FBXW7: variants seen among roughly 807,000 people sequenced by gnomAD.
The protein encoded by FBXW7 is F-box/WD repeat-containing protein 7.
In FBXW7, 11 loss-of-function variants were observed where a neutral mutation model predicts 86.3. The ratio of observed to expected loss-of-function variants is 0.13; its 90% CI spans 0.08 to 0.21. The LOEUF is 0.21. Ranked by LOEUF, FBXW7 falls within the 10% of genes least tolerant of loss-of-function variation. The pLI is 1.00. For missense variants in FBXW7, 488 were observed against 847.4 expected, an observed-to-expected ratio of 0.58 and a Z score of 5.27; for synonymous variants, 313 against 297.9, an observed-to-expected ratio of 1.05 and a Z score of -0.52.
intron 2 of FBXW7, among the ~76,000 whole-genome samples, chr4:152,459,739 G>A: frequency 6.6e-6 from 1 of 151,678 alleles, no homozygotes; most frequent in Non-Finnish European, 1.5e-5. Flanking sequence ...CTGTAAATTG[G>A]GCAAAGTAAA....
chr4:152,326,782 T>C (rs1436087103), intron 11 of FBXW7, among the ~76,000 whole-genome samples: 1 of 152,132 alleles, frequency 6.6e-6, no homozygotes, highest in Non-Finnish European at 1.5e-5. Context: ...GAATTTGGAA[T>C]TTAAACAGCT....
chr4:152,451,459 A>C (rs1237471211), intron 2 of FBXW7, among the ~76,000 whole-genome samples: 1 of 152,222 alleles, frequency 6.6e-6, no homozygotes, highest in African/African-American at 2.4e-5. Context: ...ATTTATTTGC[A>C]TAAATAAGCA....
At chr4:152,508,111 G>T (rs1747600080) in intron 2 of FBXW7, among the ~76,000 whole-genome samples, 1 of 151,526 alleles carries the variant, frequency 6.6e-6, no homozygotes, top group Non-Finnish European at 1.5e-5. Flanking sequence ...AAATGATGGA[G>T]ACATGTCAAA....
At chr4:152,441,264 G>A (rs1402628856) in intron 2 of FBXW7, among the ~76,000 whole-genome samples, 1 of 152,036 alleles carries the variant, frequency 6.6e-6, no homozygotes, top group South Asian at 2.1e-4. Flanking sequence ...CTGTCTCTGA[G>A]AGGAAAAATG....
At chr4:152,468,261 G>A (rs540140893) in intron 2 of FBXW7, among the ~76,000 whole-genome samples, 3 of 151,798 alleles carry the variant, frequency 2.0e-5, no homozygotes, top group African/African-American at 4.8e-5. Flanking sequence ...CTATATTATC[G>A]AGCAATCCCA....
chr4:152,437,007 A>G (rs1740442729), intron 2 of FBXW7, among the ~76,000 whole-genome samples: 1 of 152,216 alleles, frequency 6.6e-6, no homozygotes, highest in Non-Finnish European at 1.5e-5. Flanking sequence ...CCCATTAATC[A>G]AGGGTCATTT....
At chr4:152,516,036 A>G (rs1167817568) in intron 2 of FBXW7, among the ~76,000 whole-genome samples, 1 of 152,210 alleles carries the variant, frequency 6.6e-6, no homozygotes, top group Non-Finnish European at 1.5e-5. Context: ...AACTCTTCCC[A>G]CAACCGGTGA....
intron 2 of FBXW7, among the ~76,000 whole-genome samples, chr4:152,492,425 G>T (rs1745951468): frequency 6.6e-6 from 1 of 152,100 alleles, no homozygotes; most frequent in Admixed American, 6.6e-5. Context: ...GGATCCAAAG[G>T]TGTATGCTTA....
At chr4:152,477,055 CAA>C (rs768143626) in intron 2 of FBXW7, among the ~76,000 whole-genome samples, 16 of 131,146 alleles carry the variant, frequency 1.2e-4, no homozygotes, top group Non-Finnish European at 9.9e-5. Context: ...GGAAAAGCGG[CAA>C]AAAAAAAAAA....
intron 2 of FBXW7, among the ~76,000 whole-genome samples, chr4:152,460,651 T>C (rs765545499): frequency 1.3e-5 from 2 of 152,246 alleles, no homozygotes; most frequent in Non-Finnish European, 2.9e-5. Flanking sequence ...GAGGTCGCCA[T>C]TGTTTCTGGT....
chr4:152,525,470 C>G (rs1749421515), intron 2 of FBXW7, among the ~76,000 whole-genome samples: 1 of 152,188 alleles, frequency 6.6e-6, no homozygotes, highest in African/African-American at 2.4e-5. Context: ...CAACCCTCCC[C>G]CTCAAGTAGA....
rs568264126 is a variant in FBXW7 at position 152,374,192 on chromosome 4, T to C, written c.502-24068A>G. ...CAAAAAAACCCCACCACAAAACAGG[T>C]ACCCTATTAAATTCCCTCTCTAAAT... On this transcript the variant is annotated intron_variant, in intron 4 of 13. Transcript: ENST00000281708. Among the ~76,000 whole-genome samples, 133 of 151,972 alleles carry C rather than the reference T, an allele frequency of 8.8e-4. 1 individual carries two copies. Among genetic ancestry groups the C allele is most frequent in the Middle Eastern group, 3.4e-3 (1 of 294 alleles).
intron 4 of FBXW7, among the ~76,000 whole-genome samples, chr4:152,350,728 T>C (rs1423686071): frequency 6.6e-6 from 1 of 151,762 alleles, no homozygotes; most frequent in Admixed American, 6.6e-5. Context: ...CTGGAGATAG[T>C]ATAATAACGC....
In FBXW7 at chr4:152,535,805, C is replaced by CGGCTCCGGCTCA. The variant is rs1554005579; in HGVS notation, c.-903_-892dup. 3 of 392,818 alleles carry CGGCTCCGGCTCA rather than the reference C, an allele frequency of 7.6e-6. No homozygotes were observed. Among genetic ancestry groups the CGGCTCCGGCTCA allele is most frequent in the African/African-American group, 2.1e-5 (1 of 48,186 alleles). The allele number at this position is 392,818 out of a possible 1,614,324, so 24.3% of individuals were successfully genotyped here. A position where few individuals can be genotyped will look rare whatever the true frequency, so the allele number is the denominator to read the frequency against. On this transcript the variant is annotated 5_prime_UTR_variant, in exon 1 of 14. Transcript: ENST00000281708. ...GCCGCCTCCCTGCCCCCCAAGCCGCCGGCTCCGGCTCAGGCTCGGGCTCCG... is the reference window on the plus strand; with the variant it reads ...GCCGCCTCCCTGCCCCCCAAGCCGCCGGCTCCGGCTCAGGCTCCGGCTCAGGCTCGGGCTCCG...
chr4:152,518,599 A>G (rs1206503045), intron 2 of FBXW7, among the ~76,000 whole-genome samples: 1 of 152,190 alleles, frequency 6.6e-6, no homozygotes, highest in South Asian at 2.1e-4. Flanking sequence ...GCTCAGCTTC[A>G]GCACTCTATA....
intron 13 of FBXW7, 155 bp from the exon 14 acceptor site, chr4:152,323,304 T>A (rs562190567): frequency 1.1e-6 from 1 of 884,746 alleles, no homozygotes; most frequent in Admixed American, 2.9e-5. Flanking sequence ...TATTTTAGGA[T>A]CAGCATGGAT....
At chr4:152,487,128 T>A (rs558718126) in intron 2 of FBXW7, among the ~76,000 whole-genome samples, 1 of 152,234 alleles carries the variant, frequency 6.6e-6, no homozygotes, top group Non-Finnish European at 1.5e-5. Context: ...GTGGAAAGAA[T>A]AATAGATGTA....
chr4:152,511,928 A>C (rs1553999729), intron 2 of FBXW7, among the ~76,000 whole-genome samples: 1 of 152,168 alleles, frequency 6.6e-6, no homozygotes, highest in Non-Finnish European at 1.5e-5. Flanking sequence ...AAGGAGAAAA[A>C]GACTGACTAT....
At chr4:152,517,195 G>A (rs1748574230) in intron 2 of FBXW7, among the ~76,000 whole-genome samples, 1 of 152,084 alleles carries the variant, frequency 6.6e-6, no homozygotes, top group African/African-American at 2.4e-5. Flanking sequence ...TTCTAAGGAA[G>A]TGTAAATAAA....
Sources: gnomAD v4.1 joint callset for allele counts (sites outside exome capture counted in the v4.1 genomes callset) on GRCh38, gnomAD v4.1.1 for gene constraint, MANE v1.5 for transcripts, NCBI Gene and HGNC (gene_info 2026-07-23, HGNC 2026-07-21) for gene names.